Variants in GSK3B observed in about 807,000 individuals in gnomAD.
GSK3B encodes glycogen synthase kinase-3 beta.
In GSK3B, 15 loss-of-function variants were observed where a neutral mutation model predicts 56.4. The observed-to-expected ratio is 0.27, with a 90% CI of 0.18 to 0.41. The LOEUF is 0.41. Among genes scored for constraint, GSK3B ranks in the 10% least tolerant of loss-of-function variants. The pLI, the probability that GSK3B is intolerant of heterozygous loss-of-function variation, is 1.00. For synonymous variants in GSK3B, 181 were observed against 188.9 expected (o/e 0.96, Z 0.34); for missense variants, 300 against 513.4 (o/e 0.58, Z 4.02).
At chr3:120,076,209 C>T (rs1211635074) in intron 1 of GSK3B, among the ~76,000 whole-genome samples, 2 of 152,098 alleles carry the variant, frequency 1.3e-5, no homozygotes, top group Non-Finnish European at 2.9e-5. Context: ...AAAACCAACT[C>T]AAAATGGATA....
rs532884148 is a variant in GSK3B at position 119,832,282 on chromosome 3, G to A, written c.1196-5427C>T. On this transcript the variant is annotated intron_variant, in intron 10 of 10. Coordinates refer to ENST00000264235, the MANE Select transcript of GSK3B (RefSeq NM_001146156.2). ...ATATTTGATAACCACATGAATGAGA[G>A]CCACTGTGGAAGCAGAGCTTCTGCC... Among the ~76,000 whole-genome samples the A allele has an allele frequency of 7.2e-5, 11 of 152,334 alleles. No homozygotes were observed. The East Asian group carries it at 1.9e-3, about 27-fold the overall frequency.
At chr3:119,903,565 A>T (rs1204766130) in intron 7 of GSK3B, among the ~76,000 whole-genome samples, 3 of 152,200 alleles carry the variant, frequency 2.0e-5, no homozygotes, top group Non-Finnish European at 4.4e-5. Flanking sequence ...AAATAGTATT[A>T]GCAGAAAATG....
chr3:120,048,114 A>C (rs1332600717), intron 1 of GSK3B, among the ~76,000 whole-genome samples: 1 of 152,248 alleles, frequency 6.6e-6, no homozygotes, highest in Non-Finnish European at 1.5e-5. Context: ...CGTTAAAGCC[A>C]ATCATTTAGT....
At chr3:120,073,351 C>A (rs2058343491) in intron 1 of GSK3B, among the ~76,000 whole-genome samples, 1 of 151,806 alleles carries the variant, frequency 6.6e-6, no homozygotes, top group African/African-American at 2.4e-5. Flanking sequence ...CACACCACAG[C>A]ACTTCAGCCT....
chr3:119,861,053 C>T (rs185628809), intron 9 of GSK3B, among the ~76,000 whole-genome samples: 231 of 152,224 alleles, frequency 1.5e-3, no homozygotes, highest in Middle Eastern at 3.4e-3. Context: ...CTTGGATTAC[C>T]CAGTTTTATT....
At chr3:119,917,664 TTTTTTTTA>T (rs1167267791) in intron 4 of GSK3B, among the ~76,000 whole-genome samples, 3 of 146,226 alleles carry the variant, frequency 2.1e-5, no homozygotes, top group Non-Finnish European at 4.5e-5. Flanking sequence ...GTTTTCTTTT[TTTTTTTTA>T]AAAAAAAAAA....
At chr3:119,994,778 T>A (rs565162772) in intron 2 of GSK3B, among the ~76,000 whole-genome samples, 2 of 152,166 alleles carry the variant, frequency 1.3e-5, no homozygotes, top group Admixed American at 1.3e-4. Context: ...CTTCCTGGTA[T>A]AGAAGACTAG....
intron 1 of GSK3B, among the ~76,000 whole-genome samples, chr3:120,082,911 A>G (rs942867648): frequency 2.6e-4 from 39 of 152,290 alleles, no homozygotes; most frequent in African/African-American, 8.9e-4. Flanking sequence ...AATTACATAT[A>G]TAATTCACCT....
chr3:119,991,890 C>T (rs1559867161), intron 2 of GSK3B, among the ~76,000 whole-genome samples: 1 of 151,886 alleles, frequency 6.6e-6, no homozygotes, highest in African/African-American at 2.4e-5. Context: ...ACAATAGCAA[C>T]AAAAACAATA....
At position 120,020,190 on chromosome 3, in the gene GSK3B, G is replaced by A. The variant is rs116146190; in HGVS notation, c.89-17951C>T. Among the ~76,000 whole-genome samples the A allele has an allele frequency of 1.2e-4, 18 of 152,170 alleles. 1 individual carries two copies. Among genetic ancestry groups the A allele is most frequent in the Non-Finnish European group, 2.4e-4 (16 of 67,988 alleles). ...AAATAAAATAGCAGGTAATAACTAC[G>A]AGTTTTGTCATTAATTCCATTTCTG... On this transcript the variant is annotated intron_variant, in intron 1 of 10. Coordinates refer to ENST00000264235, the MANE Select transcript of GSK3B (RefSeq NM_001146156.2).
At chr3:120,080,358 AAGG>A (rs999355695) in intron 1 of GSK3B, among the ~76,000 whole-genome samples, 6 of 151,348 alleles carry the variant, frequency 4.0e-5, no homozygotes, top group African/African-American at 7.3e-5. Context: ...TAGAAGGAAG[AAGG>A]AGAAGACGAC....
intron 10 of GSK3B, among the ~76,000 whole-genome samples, chr3:119,837,384 C>T (rs2055707785): frequency 6.7e-6 from 1 of 148,526 alleles, no homozygotes; most frequent in Non-Finnish European, 1.5e-5. Flanking sequence ...CCAGGATGGT[C>T]TCGATCTCTT....
chr3:120,021,971 T>C (rs1425507686), intron 1 of GSK3B, among the ~76,000 whole-genome samples: 1 of 152,198 alleles, frequency 6.6e-6, no homozygotes, highest in Non-Finnish European at 1.5e-5. Flanking sequence ...AGAAGTAAGA[T>C]GATCACTTGA....
chr3:120,060,502 G>C (rs778232265), intron 1 of GSK3B, among the ~76,000 whole-genome samples: 28 of 152,086 alleles, frequency 1.8e-4, no homozygotes, highest in Non-Finnish European at 3.1e-4. Flanking sequence ...CGAGGCGGGA[G>C]AATCACTGGA....
chr3:119,839,017 C>T (rs2055734038), intron 10 of GSK3B, among the ~76,000 whole-genome samples: 2 of 152,164 alleles, frequency 1.3e-5, no homozygotes, highest in South Asian at 4.1e-4. Context: ...TTAATATTTG[C>T]ACCATCTTTA....
intron 2 of GSK3B, among the ~76,000 whole-genome samples, chr3:119,973,897 T>C (rs1477607152): frequency 1.3e-5 from 2 of 152,132 alleles, no homozygotes; most frequent in Admixed American, 6.5e-5. Flanking sequence ...CTGGAAAAAC[T>C]GGACAGACAC....
At chr3:119,919,014 C>T (rs960073659) in intron 4 of GSK3B, among the ~76,000 whole-genome samples, 1 of 152,114 alleles carries the variant, frequency 6.6e-6, no homozygotes, top group African/African-American at 2.4e-5. Flanking sequence ...TGTGATCAGA[C>T]CCTGTCCTTA....
rs545085020 is a variant in GSK3B at position 119,889,450 on chromosome 3, G to A, written c.814-12942C>T. 3.3e-5 allele frequency among the ~76,000 whole-genome samples: 5 copies of A among 152,194 alleles called. No individual in the cohort carries two copies. The East Asian group carries it at 5.8e-4, about 18-fold the overall frequency. ...AAGGGGAATGGAAATACTGTCACAC[G>A]GTTCTTGTTTTCTATATGACATGGT... On this transcript the variant is annotated intron_variant, in intron 7 of 10. Coordinates refer to ENST00000264235, the MANE Select transcript of GSK3B (RefSeq NM_001146156.2).
intron 1 of GSK3B, among the ~76,000 whole-genome samples, chr3:120,025,909 G>C (rs1425322846): frequency 6.6e-6 from 1 of 152,136 alleles, no homozygotes; most frequent in African/African-American, 2.4e-5. Flanking sequence ...TTAGGCCTTA[G>C]TTTCCCTATC....
Sources: allele counts gnomAD v4.1 joint callset (sites outside exome capture counted in the v4.1 genomes callset), GRCh38; gene constraint gnomAD v4.1.1; transcripts MANE v1.5; gene names NCBI Gene and HGNC (gene_info 2026-07-23, HGNC 2026-07-21).